The following SOX5 variants were observed in gnomAD, a reference collection of about 807,000 sequenced individuals.
The protein encoded by SOX5 is SRY-box transcription factor 5, also known as transcription factor SOX-5.
SOX5 carries 9 observed loss-of-function variants against 92.0 expected under a neutral mutation model. That is an observed-to-expected ratio of 0.10 (90% CI 0.06 to 0.17). The LOEUF (loss-of-function observed/expected upper bound fraction) is 0.17. Among genes scored for constraint, SOX5 ranks in the 10% least tolerant of loss-of-function variants. The pLI, the probability that SOX5 is intolerant of heterozygous loss-of-function variation, is 1.00. For missense variants in SOX5, 642 were observed against 944.5 expected, an observed-to-expected ratio of 0.68 and a Z score of 4.20; for synonymous variants, 344 against 336.3, an observed-to-expected ratio of 1.02 and a Z score of -0.25.
chr12:24,309,785 T>C (rs1948991173), intron 2 of SOX5, among the ~76,000 whole-genome samples: 1 of 152,176 alleles, frequency 6.6e-6, no homozygotes, highest in Non-Finnish European at 1.5e-5. Flanking sequence ...AAAACCGTGA[T>C]AGGAAAAGAG....
upstream of SOX5, among the ~76,000 whole-genome samples, chr12:23,952,564 T>G (rs1312056913): frequency 6.6e-6 from 1 of 152,222 alleles, no homozygotes; most frequent in Non-Finnish European, 1.5e-5. Flanking sequence ...GGTTTGAAAG[T>G]TAGTTTTTTG....
chr12:23,955,548 G>T (rs921375598), upstream of SOX5, among the ~76,000 whole-genome samples: 1 of 152,038 alleles, frequency 6.6e-6, no homozygotes, highest in Non-Finnish European at 1.5e-5. Context: ...AGAAAGAATC[G>T]ATTATTTCAG....
At chr12:23,931,635 T>G (rs995471099) in intron 1 of SOX5, among the ~76,000 whole-genome samples, 1 of 151,700 alleles carries the variant, frequency 6.6e-6, no homozygotes, top group Non-Finnish European at 1.5e-5. Context: ...TTGCTTCTAA[T>G]TTTTTTCAAA....
At chr12:23,791,664 A>G (rs2095477152) in intron 3 of SOX5, among the ~76,000 whole-genome samples, 1 of 152,180 alleles carries the variant, frequency 6.6e-6, no homozygotes, top group Admixed American at 6.5e-5. Context: ...CACTTTAACC[A>G]ATAAAAAAAA....
intron 4 of SOX5, among the ~76,000 whole-genome samples, chr12:24,178,605 A>T (rs1955103815): frequency 1.3e-5 from 2 of 152,208 alleles, no homozygotes; most frequent in Admixed American, 6.5e-5. Context: ...TTTTACAAAC[A>T]TTATGTAGGC....
intron 1 of SOX5, among the ~76,000 whole-genome samples, chr12:24,372,469 T>C (rs1157529094): frequency 6.6e-6 from 1 of 152,238 alleles, no homozygotes; most frequent in Admixed American, 6.5e-5. Flanking sequence ...GAATTCATCC[T>C]TTTTTATGGC....
At chr12:23,833,649 T>C (rs1015119562) in intron 3 of SOX5, among the ~76,000 whole-genome samples, 3 of 151,998 alleles carry the variant, frequency 2.0e-5, no homozygotes, top group Non-Finnish European at 2.9e-5. Context: ...TTCAATTTTA[T>C]ATCTTGGGTA....
At chr12:24,439,565 G>A (rs1940104381) in intron 1 of SOX5, among the ~76,000 whole-genome samples, 1 of 152,090 alleles carries the variant, frequency 6.6e-6, no homozygotes, top group African/African-American at 2.4e-5. Flanking sequence ...AAACATCTAT[G>A]CTATTGTCAA....
At chr12:23,877,622 G>A (rs1310128130) in intron 2 of SOX5, among the ~76,000 whole-genome samples, 1 of 152,076 alleles carries the variant, frequency 6.6e-6, no homozygotes, top group African/African-American at 2.4e-5. Flanking sequence ...AAACATGCAA[G>A]ATTAAACTGA....
chr12:23,854,138 A>G (rs1008516332), intron 2 of SOX5, among the ~76,000 whole-genome samples: 6 of 152,058 alleles, frequency 3.9e-5, no homozygotes, highest in African/African-American at 1.4e-4. Flanking sequence ...CAAAATTTTT[A>G]ATAGAGTTGC....
At chr12:24,481,948 G>C (rs1010877931) in intron 1 of SOX5, among the ~76,000 whole-genome samples, 1 of 152,128 alleles carries the variant, frequency 6.6e-6, no homozygotes, top group Non-Finnish European at 1.5e-5. Context: ...AATGTGATCT[G>C]GGAGAACTCT....
chr12:23,594,911 C>T (rs766574851), intron 9 of SOX5, among the ~76,000 whole-genome samples: 5 of 152,144 alleles, frequency 3.3e-5, no homozygotes, highest in Admixed American at 6.5e-5. Context: ...CTCCTTTTCA[C>T]GATTTCAGAG....
intron 1 of SOX5, among the ~76,000 whole-genome samples, chr12:24,404,293 C>T (rs929248475): frequency 2.0e-5 from 3 of 152,068 alleles, no homozygotes; most frequent in African/African-American, 7.2e-5. Context: ...AGGTCAAAAG[C>T]ACCAAAAAAA....
At chr12:24,240,063 C>T (rs1965278401) in intron 3 of SOX5, among the ~76,000 whole-genome samples, 1 of 152,158 alleles carries the variant, frequency 6.6e-6, no homozygotes, top group African/African-American at 2.4e-5. Context: ...ATGTGACATA[C>T]ACTGAAGTCC....
At chr12:24,213,419 T>TAAAAAAAAAA (rs67296842) in intron 3 of SOX5, 70 of 96,772 alleles carry the variant, frequency 7.2e-4, no homozygotes, top group African/African-American at 9.5e-4. Context: ...CTTGAAATGC[T>TAAAAAAAAAA]AAAAAAAAAA....
chr12:24,306,206 C>T (rs1047122173), intron 2 of SOX5, among the ~76,000 whole-genome samples: 2 of 152,140 alleles, frequency 1.3e-5, no homozygotes, highest in Non-Finnish European at 2.9e-5. Flanking sequence ...TGCTGTTCAC[C>T]TCTGAGGAGC....
At chr12:24,140,849 T>TA (rs1950522340) in intron 4 of SOX5, among the ~76,000 whole-genome samples, 1 of 152,102 alleles carries the variant, frequency 6.6e-6, no homozygotes, top group Admixed American at 6.5e-5. Flanking sequence ...AATTGCTCAA[T>TA]AAAAACTGAA....
chr12:24,326,170 C>T (rs146495413), intron 2 of SOX5, among the ~76,000 whole-genome samples: 5,608 of 152,264 alleles, frequency 0.037, 157 homozygotes, highest in Middle Eastern at 0.082. Context: ...AAAACATTTG[C>T]TTCCCTTTTC....
chr12:24,353,058 C>G lies in SOX5; in HGVS notation c.-174+15505G>C, dbSNP rs564943451. On this transcript the variant is annotated intron_variant, in intron 2 of 4. Coordinates refer to the SOX5 transcript ENST00000446891. ...ATGCATGAGGTGCATGACAGGGGCT[C>G]CAGTTTCCCAGGTCATTACGTTGTA... Among the ~76,000 whole-genome samples the G allele has an allele frequency of 2.6e-5, 4 of 152,284 alleles. No homozygotes were observed. The East Asian group carries it at 5.8e-4, about 22-fold the overall frequency.
Sources: allele counts gnomAD v4.1 joint callset (sites outside exome capture counted in the v4.1 genomes callset), GRCh38; gene constraint gnomAD v4.1.1; transcripts MANE v1.5; gene names NCBI Gene and HGNC (gene_info 2026-07-23, HGNC 2026-07-21).